Variants in ATP8B4 observed in about 807,000 individuals in gnomAD.
The protein encoded by ATP8B4 is probable phospholipid-transporting ATPase IM.
Under a neutral mutation model 145.6 loss-of-function variants are expected in ATP8B4, and 133 were observed. The observed-to-expected ratio is 0.91, with a 90% CI of 0.79 to 1.05. The LOEUF (loss-of-function observed/expected upper bound fraction) is 1.05, where lower values mean the gene tolerates loss of function less well. Among genes scored for constraint, ATP8B4 ranks in the 50% least tolerant of loss-of-function variants. The pLI is 0.00. For missense variants in ATP8B4, 1,458 were observed against 1,425.2 expected, an observed-to-expected ratio of 1.02 and a Z score of -0.37; for synonymous variants, 507 against 492.9, an observed-to-expected ratio of 1.03 and a Z score of -0.38.
chr15:49,869,979 T>C (rs2033425885), intron 25 of ATP8B4, among the ~76,000 whole-genome samples: 1 of 152,158 alleles, frequency 6.6e-6, no homozygotes, highest in Non-Finnish European at 1.5e-5. Flanking sequence ...AGCAGATTGG[T>C]AAAAATTAGG....
intron 25 of ATP8B4, among the ~76,000 whole-genome samples, chr15:49,867,863 TAGTC>T (rs779720599): frequency 1.3e-5 from 2 of 152,128 alleles, no homozygotes; most frequent in Non-Finnish European, 2.9e-5. Flanking sequence ...AACCAAAGAA[TAGTC>T]AATGAATAGA....
At chr15:50,076,664 T>A (rs1261900622) in intron 2 of ATP8B4, among the ~76,000 whole-genome samples, 1 of 152,136 alleles carries the variant, frequency 6.6e-6, no homozygotes, top group Non-Finnish European at 1.5e-5. Flanking sequence ...CAAAACCTGA[T>A]TAGAGCCAGG....
At chr15:50,168,176 G>T (rs1262430008) in intron 1 of ATP8B4, among the ~76,000 whole-genome samples, 1 of 152,184 alleles carries the variant, frequency 6.6e-6, no homozygotes, top group African/African-American at 2.4e-5. Flanking sequence ...AACACATTCG[G>T]GAATGAAGAG....
intron 14 of ATP8B4, among the ~76,000 whole-genome samples, chr15:49,944,899 T>C (rs537612844): frequency 2.4e-4 from 36 of 152,150 alleles, no homozygotes; most frequent in African/African-American, 8.2e-4. Flanking sequence ...TAGAAATCAA[T>C]AGCAAAAGGA....
At chr15:50,153,203 T>C (rs761024314) in intron 1 of ATP8B4, among the ~76,000 whole-genome samples, 3 of 152,204 alleles carry the variant, frequency 2.0e-5, no homozygotes. Context: ...AAGGAAAACA[T>C]TGTTTTTCTA....
rs556927786 is a variant in ATP8B4 at position 49,909,144 on chromosome 15, A to AC, written c.2141+7789dup. Among the ~76,000 whole-genome samples the AC allele has an allele frequency of 7.7e-4, 117 of 151,616 alleles. 1 individual carries two copies. The highest frequency in any genetic ancestry group is 2.8e-3 in the African/African-American group (114 of 41,314). ...CAGTCTGGCTTTGACCGCACTCCAT[A>AC]CCCCCCACCCCAGTACTTGAGCATA... is the stretch of plus-strand genomic sequence containing the variant. On this transcript the variant is annotated intron_variant, in intron 20 of 27. Transcript: ENST00000284509.
At chr15:50,154,564 T>C (rs960470425) in intron 1 of ATP8B4, among the ~76,000 whole-genome samples, 2 of 152,232 alleles carry the variant, frequency 1.3e-5, no homozygotes, top group African/African-American at 2.4e-5. Flanking sequence ...CAATATTTCA[T>C]AGATGAGAAC....
chr15:49,899,554 T>A (rs2037793917), intron 21 of ATP8B4, among the ~76,000 whole-genome samples: 3 of 152,252 alleles, frequency 2.0e-5, no homozygotes, highest in Admixed American at 6.5e-5. Flanking sequence ...GGTGAAATTG[T>A]GAGTTGGCAT....
chr15:50,074,283 C>G, intron 2 of ATP8B4, 98 bp from the exon 3 acceptor site: 5 of 1,016,598 alleles, frequency 4.9e-6, no homozygotes, highest in Admixed American at 4.7e-5. Context: ...GTTGTTAAGG[C>G]TGCAAGAATT....
chr15:49,985,005 A>G (rs554138244), intron 10 of ATP8B4, among the ~76,000 whole-genome samples: 5 of 152,320 alleles, frequency 3.3e-5, no homozygotes, highest in Admixed American at 2.0e-4. Flanking sequence ...TGTAAAGCAA[A>G]TCATATCTGT....
rs559985579 is a variant in ATP8B4 at position 49,999,859 on chromosome 15, C to A, written c.506+2294G>T. 2.4e-4 allele frequency among the ~76,000 whole-genome samples: 37 copies of A among 152,270 alleles called. No homozygotes were observed. In the South Asian group the frequency reaches 7.7e-3, roughly 32 times the overall value. The stretch of plus-strand genomic sequence containing the variant: ...ACCCACCTCCCTGCCTTTCCCACCC[C>A]ATCTTAACACCTGGAAACTACTAAT... On this transcript the variant is annotated intron_variant, in intron 8 of 27. Transcript: ENST00000284509.
At chr15:49,936,731 G>GT (rs1567030418) in intron 14 of ATP8B4, among the ~76,000 whole-genome samples, 8 of 151,090 alleles carry the variant, frequency 5.3e-5, no homozygotes, top group African/African-American at 1.2e-4. Flanking sequence ...TTATTTTTTG[G>GT]TTGTTTGTTT....
intron 20 of ATP8B4, among the ~76,000 whole-genome samples, chr15:49,902,602 A>G (rs2038160893): frequency 6.6e-6 from 1 of 152,224 alleles, no homozygotes; most frequent in South Asian, 2.1e-4. Flanking sequence ...AAAGATGTAT[A>G]AAGTCAGAGT....
chr15:50,062,991 T>G (rs1047133389), intron 3 of ATP8B4, among the ~76,000 whole-genome samples: 1 of 152,020 alleles, frequency 6.6e-6, no homozygotes, highest in Non-Finnish European at 1.5e-5. Context: ...GGAATATGAC[T>G]TGGGGAGGAA....
At chr15:50,054,787 AAAAAAAAAAAAAAAAAAAAAAAC>A (rs1215037040) in intron 3 of ATP8B4, among the ~76,000 whole-genome samples, 283 of 17,832 alleles carry the variant, frequency 0.016, 4 homozygotes, top group Non-Finnish European at 0.017. Context: ...CCGCCTCAAA[AAAAAAAAAAAAAAAAAAAAAAAC>A]AAAAAAAAAA....
intron 26 of ATP8B4, among the ~76,000 whole-genome samples, chr15:49,863,386 C>A (rs781207257): frequency 5.9e-5 from 9 of 152,172 alleles, no homozygotes; most frequent in Non-Finnish European, 1.3e-4. Context: ...TCACATACCC[C>A]ATTGTGGGTT....
intron 6 of ATP8B4, among the ~76,000 whole-genome samples, chr15:50,027,730 T>C (rs1275152706): frequency 1.3e-5 from 2 of 152,242 alleles, no homozygotes; most frequent in Non-Finnish European, 2.9e-5. Flanking sequence ...GCTAAGCTTA[T>C]GGAAAATGTA....
intron 6 of ATP8B4, among the ~76,000 whole-genome samples, chr15:50,026,068 C>T (rs1181683213): frequency 6.6e-6 from 1 of 152,224 alleles, no homozygotes; most frequent in East Asian, 1.9e-4. Context: ...TAAAGTTCTT[C>T]TTCCTTACCT....
chr15:49,863,058 C>T (rs1436740485), intron 26 of ATP8B4, among the ~76,000 whole-genome samples: 1 of 152,198 alleles, frequency 6.6e-6, no homozygotes, highest in Non-Finnish European at 1.5e-5. Context: ...AAAAATGTTC[C>T]AGATGCAGGT....
Sources: allele counts gnomAD v4.1 joint callset (sites outside exome capture counted in the v4.1 genomes callset), GRCh38; gene constraint gnomAD v4.1.1; transcripts MANE v1.5; gene names NCBI Gene and HGNC (gene_info 2026-07-23, HGNC 2026-07-21).